The following HTR1D variants were observed in gnomAD, a reference collection of about 807,000 sequenced individuals.
HTR1D encodes the protein 5-hydroxytryptamine receptor 1D.
In HTR1D, 18 loss-of-function variants were observed where a neutral mutation model predicts 21.1. The observed-to-expected ratio is 0.85, with a 90% CI of 0.59 to 1.27. The LOEUF (loss-of-function observed/expected upper bound fraction) is 1.27. Among genes scored for constraint, HTR1D ranks in the 50% most tolerant of loss-of-function variants. The probability of loss-of-function intolerance (pLI) is 0.00; values close to 1 mark genes in which losing one functional copy is unlikely to be tolerated. For missense variants in HTR1D, 456 were observed against 481.4 expected (o/e 0.95, Z 0.49); for synonymous variants, 196 against 204.4 (o/e 0.96, Z 0.35).
chr1:23,209,843 C>A (rs1161918824), intron 1 of HTR1D, among the ~76,000 whole-genome samples: 1 of 152,112 alleles, frequency 6.6e-6, no homozygotes. Flanking sequence ...TTCTTTCTTT[C>A]CACAAATACC....
intron 1 of HTR1D, among the ~76,000 whole-genome samples, chr1:23,205,620 T>A (rs1644727077): frequency 6.6e-6 from 1 of 152,208 alleles, no homozygotes; most frequent in Admixed American, 6.6e-5. Context: ...CTTAGCTCAT[T>A]GCAACTTCCG....
At chr1:23,195,560 TC>T (rs1237586099) in intron 1 of HTR1D, among the ~76,000 whole-genome samples, 1 of 152,130 alleles carries the variant, frequency 6.6e-6, no homozygotes, top group Non-Finnish European at 1.5e-5. Context: ...TGCCTCAGTC[TC>T]CCAAGTAGCT....
intron 1 of HTR1D, among the ~76,000 whole-genome samples, chr1:23,207,059 G>T (rs61780170): frequency 0.13 from 20,008 of 152,116 alleles, 1,655 homozygotes; most frequent in South Asian, 0.31. Flanking sequence ...CCAGATCAGA[G>T]ATTCTCTTGG....
chr1:23,194,290 G>C lies in HTR1D; in HGVS notation c.-71C>G, dbSNP rs992352672. ...TTCCTTCAAGGTTGTCCTGACAACA[G>C]AGCAAAGTCATCCTTCTGCTTCACA... On this transcript the variant is annotated 5_prime_UTR_variant, in exon 2 of 2. Transcript: ENST00000374619. 51 of 1,413,336 alleles carry C rather than the reference G, an allele frequency of 3.6e-5. No individual in the cohort carries two copies. The highest frequency in any genetic ancestry group is 4.0e-5 in the Non-Finnish European group (41 of 1,030,000). 87.5% of individuals were successfully genotyped at this position (1,413,336 alleles called of 1,614,324 possible).
chr1:23,198,069 T>TA (rs565641689), intron 1 of HTR1D, among the ~76,000 whole-genome samples: 2,875 of 130,140 alleles, frequency 0.022, 34 homozygotes, highest in Middle Eastern at 0.066. Flanking sequence ...TCCTGTCTCT[T>TA]AAAAAAAAAA....
chr1:23,193,193 A>C lies in HTR1D; in HGVS notation c.1027T>G (p.Trp343Gly), dbSNP rs1644666884. ...ATGAGGGAGTTTAAATAGCCTAGCC[A>C]GGTGAAGAAGTCAAAGAGCGCCGGG... Reference protein sequence around the residue: ...IHPALFDFFTWLGYLNSLINP... With the variant: ...IHPALFDFFTGLGYLNSLINP... The change falls in exon 2 of 2, where the codon TGG (tryptophan) becomes GGG (glycine). Residue 343 changes from tryptophan to glycine, a missense_variant. Physicochemically the swap from Trp to Gly is radical, Grantham distance 184. Coordinates refer to ENST00000374619, the MANE Select transcript of HTR1D (RefSeq NM_000864.5). The C allele has an allele frequency of 6.2e-7, 1 of 1,613,940 alleles. No homozygotes were observed.
intron 1 of HTR1D, among the ~76,000 whole-genome samples, chr1:23,215,917 G>A (rs972219484): frequency 6.6e-6 from 1 of 152,186 alleles, no homozygotes; most frequent in Admixed American, 6.5e-5. Context: ...TGCTTGTAGA[G>A]GTTGTTGTAG....
intron 1 of HTR1D, among the ~76,000 whole-genome samples, chr1:23,215,222 GCCTGGGCAACATGGCGACAC>G (rs531148086): frequency 1.3e-5 from 2 of 152,136 alleles, no homozygotes; most frequent in Non-Finnish European, 2.9e-5. Flanking sequence ...TTCGAGGCCA[GCCTGGGCAACATGGCGACAC>G]CCTGTCTCTA....
chr1:23,193,643 A>G lies in HTR1D; in HGVS notation c.577T>C (p.Ser193Pro), dbSNP rs1228501500. ...GAGTAGATGGTGTAGGAGATCTGAG[A>G]GGTGTTCACCAGACAGTCCGACATC... ...EEMSDCLVNT[S>P]QISYTIYSTC... The change falls in exon 2 of 2, where the codon TCT (serine) becomes CCT (proline). Residue 193 changes from serine to proline, a missense_variant. Transcript: ENST00000374619. 6.2e-7 allele frequency: 1 copy of G among 1,613,888 alleles called. No homozygotes were observed. The highest frequency in any genetic ancestry group is 8.5e-7 in the Non-Finnish European group (1 of 1,179,886).
intron 1 of HTR1D, among the ~76,000 whole-genome samples, chr1:23,210,485 G>T (rs1183557717): frequency 1.3e-5 from 2 of 152,164 alleles, no homozygotes; most frequent in African/African-American, 4.8e-5. Context: ...CAGGGTGTCA[G>T]ATGGGAAGGA....
At chr1:23,208,169 C>A (rs1212306097) in intron 1 of HTR1D, among the ~76,000 whole-genome samples, 1 of 152,162 alleles carries the variant, frequency 6.6e-6, no homozygotes. Context: ...GTGGCTCATG[C>A]CTGAATCCCA....
Position 23,193,419 on chromosome 1 carries a change from C to T in HTR1D, c.801G>A (p.Ser267=), listed in dbSNP as rs559058225. 33 of 1,614,174 alleles carry T rather than the reference C, an allele frequency of 2.0e-5. No individual in the cohort carries two copies. The South Asian group carries it at 2.2e-4, about 11-fold the overall frequency. ...GGTTGAAAAAGAGAGGGGAGCCAGC[C>T]GAGTGCGAGTGCCCCTCATGGAGGC... ...NSSLHEGHSH[S]AGSPLFFNHV... The change falls in exon 2 of 2, where the codon TCG becomes TCA. Residue 267 remains serine (S), a synonymous_variant. Coordinates refer to ENST00000374619, the MANE Select transcript of HTR1D (RefSeq NM_000864.5).
chr1:23,203,338 C>G (rs1644717094), intron 1 of HTR1D, among the ~76,000 whole-genome samples: 1 of 152,148 alleles, frequency 6.6e-6, no homozygotes, highest in Admixed American at 6.6e-5. Context: ...GCAAATCAGT[C>G]TTGCACCTCA....
chr1:23,194,373 T>C lies in HTR1D; in HGVS notation c.-154A>G. ...GTGAAAAGGTCTCAAGACCAGACTA[T>C]TCTCTAAGTACAGTTGCAATAAAAT... On this transcript the variant is annotated 5_prime_UTR_variant, in exon 2 of 2. Coordinates refer to ENST00000374619, the MANE Select transcript of HTR1D (RefSeq NM_000864.5). 1.7e-6 allele frequency: 1 copy of C among 590,978 alleles called. No homozygotes were observed. The highest frequency in any genetic ancestry group is 3.1e-6 in the Non-Finnish European group (1 of 326,612). 36.6% of individuals were successfully genotyped at this position (590,978 alleles called of 1,614,324 possible).
chr1:23,201,388 G>GGCTTCCAGGCCAGGGAATACT (rs1553146170), intron 1 of HTR1D, among the ~76,000 whole-genome samples: 1 of 152,048 alleles, frequency 6.6e-6, no homozygotes, highest in Non-Finnish European at 1.5e-5. Context: ...GAATGAAGGA[G>GGCTTCCAGGCCAGGGAATACT]GCTTCCAGGC....
At chr1:23,195,387 G>C (rs1644684933) in intron 1 of HTR1D, among the ~76,000 whole-genome samples, 1 of 152,042 alleles carries the variant, frequency 6.6e-6, no homozygotes, top group East Asian at 1.9e-4. Flanking sequence ...TATGGGGGGG[G>C]GTGGCCCTTT....
intron 1 of HTR1D, among the ~76,000 whole-genome samples, chr1:23,209,952 G>C (rs1161897057): frequency 6.6e-6 from 1 of 152,124 alleles, no homozygotes. Flanking sequence ...GCCTGGTGAC[G>C]GCAGCTTGGC....
rs1227201956 is a variant in HTR1D at position 23,194,591 on chromosome 1, CA to C, written c.-373del. On this transcript the variant is annotated 5_prime_UTR_variant, in exon 2 of 2. The change abolishes the stop of an existing upstream ORF in the 5' untranslated region. Coordinates refer to ENST00000374619, the MANE Select transcript of HTR1D (RefSeq NM_000864.5). ...CATGCTGAATTTGTTAGACAATTAT[CA>C]GGGGATCACACCCAGGTGGGCAATG... The C allele has an allele frequency of 5.8e-6, 1 of 172,298 alleles. No homozygotes were observed. The highest frequency in any genetic ancestry group is 1.4e-5 in the Non-Finnish European group (1 of 71,428). The allele number at this position is 172,298 out of a possible 1,614,324, so 10.7% of individuals were successfully genotyped here. A position where few individuals can be genotyped will look rare whatever the true frequency, so the allele number is the denominator to read the frequency against.
At chr1:23,195,667 G>T (rs1430045595) in intron 1 of HTR1D, among the ~76,000 whole-genome samples, 1 of 152,174 alleles carries the variant, frequency 6.6e-6, no homozygotes, top group Non-Finnish European at 1.5e-5. Context: ...TCAAACTCCT[G>T]ACCTCATGAT....
Sources: allele counts gnomAD v4.1 joint callset (sites outside exome capture counted in the v4.1 genomes callset), GRCh38; gene constraint gnomAD v4.1.1; transcripts MANE v1.5; gene names NCBI Gene and HGNC (gene_info 2026-07-23, HGNC 2026-07-21).